Variants in ZFPM1 observed in about 807,000 individuals in gnomAD.
ZFPM1 encodes zinc finger protein ZFPM1.
ZFPM1 carries 28 observed loss-of-function variants against 46.3 expected under a neutral mutation model. The ratio of observed to expected loss-of-function variants is 0.60; its 90% CI spans 0.45 to 0.83. ZFPM1 has a LOEUF of 0.83. Ranked by LOEUF, ZFPM1 falls within the 40% of genes least tolerant of loss-of-function variation. ZFPM1 has a pLI of 0.00. For synonymous variants in ZFPM1, 957 were observed against 675.9 expected (o/e 1.42, Z -6.45); for missense variants, 1,878 against 1,432.4 (o/e 1.31, Z -5.02).
intron 4 of ZFPM1, among the ~76,000 whole-genome samples, chr16:88,524,502 C>T (rs1401626347): frequency 6.6e-6 from 1 of 152,222 alleles, no homozygotes; most frequent in Non-Finnish European, 1.5e-5. Context: ...AAGCACCTTT[C>T]TCGGGGCAGC....
At chr16:88,459,406 C>T (rs1410466181) in intron 1 of ZFPM1, among the ~76,000 whole-genome samples, 5 of 152,168 alleles carry the variant, frequency 3.3e-5, no homozygotes, top group African/African-American at 7.2e-5. Flanking sequence ...TGTGAGCCTC[C>T]GTTTTCCCAT....
In ZFPM1 at chr16:88,469,846, C is replaced by T. The variant is rs1908332169; in HGVS notation, c.41-16093C>T. On this transcript the variant is annotated intron_variant, in intron 1 of 9. Transcript: ENST00000319555. The surrounding 1 kb of genome is among the most constrained non-coding windows in gnomAD (Gnocchi z 4.3). ...ACCAGACATCACCTTGGCCAGGGCC[C>T]CACCCCCTAACGTGGGGTGCAGTGC... Among the ~76,000 whole-genome samples, 1 of 152,016 alleles carries T rather than the reference C, an allele frequency of 6.6e-6. No homozygotes were observed. Among genetic ancestry groups the T allele is most frequent in the Non-Finnish European group, 1.5e-5 (1 of 67,982 alleles).
intron 1 of ZFPM1, among the ~76,000 whole-genome samples, chr16:88,473,507 C>T (rs995257497): frequency 2.4e-4 from 37 of 152,128 alleles, no homozygotes; most frequent in Non-Finnish European, 4.9e-4. Context: ...ATGACGGCCC[C>T]GCTGCCCCGG....
At chr16:88,513,488 C>T (rs1471152085) in intron 3 of ZFPM1, among the ~76,000 whole-genome samples, 1 of 152,232 alleles carries the variant, frequency 6.6e-6, no homozygotes, top group South Asian at 2.1e-4. Flanking sequence ...GGCCAGGCCA[C>T]GTGAGGCCTC....
At chr16:88,521,845 C>G (rs1268103553) in intron 4 of ZFPM1, among the ~76,000 whole-genome samples, 3 of 150,410 alleles carry the variant, frequency 2.0e-5, no homozygotes, top group Non-Finnish European at 4.4e-5. Flanking sequence ...TATGCTGTTC[C>G]CTCTCCATGC....
rs1439993971 is a variant in ZFPM1 at position 88,483,292 on chromosome 16, C to A, written c.41-2647C>A. 3.3e-5 allele frequency among the ~76,000 whole-genome samples: 5 copies of A among 151,084 alleles called. No homozygotes were observed. In the East Asian group the frequency reaches 7.8e-4, roughly 23 times the overall value. On this transcript the variant is annotated intron_variant, in intron 1 of 9. Coordinates refer to ENST00000319555, the MANE Select transcript of ZFPM1 (RefSeq NM_153813.3). ...GGCACCTGCCCCTCCTGTCCAGGAC[C>A]CCCCATGGCTCCCCGGTGGCCCCAG...
rs1913188399 is a variant in ZFPM1, at chr16:88,535,101, G to C, written c.*122G>C. The C allele has an allele frequency of 1.6e-6, 2 of 1,214,202 alleles. No homozygotes were observed. Among genetic ancestry groups the C allele is most frequent in the Admixed American group, 3.7e-5 (1 of 27,044 alleles). The allele number at this position is 1,214,202 out of a possible 1,614,324, so 75.2% of individuals were successfully genotyped here. On this transcript the variant is annotated 3_prime_UTR_variant, in exon 10 of 10. Coordinates refer to ENST00000319555, the MANE Select transcript of ZFPM1 (RefSeq NM_153813.3). ...CGCCACGCACAGGCCTCGGCGGAGG[G>C]GGCCGCAGGGGGCAGCGCCCGCCTG...
chr16:88,473,136 G>C (rs1201733991), intron 1 of ZFPM1, among the ~76,000 whole-genome samples: 1 of 152,280 alleles, frequency 6.6e-6, no homozygotes, highest in Admixed American at 6.5e-5. Context: ...CGAGGAAAAG[G>C]CTGAACTGAG....
chr16:88,484,362 G>T (rs1476557152), intron 1 of ZFPM1, among the ~76,000 whole-genome samples: 1 of 152,210 alleles, frequency 6.6e-6, no homozygotes, highest in African/African-American at 2.4e-5. Flanking sequence ...TCAGGAGGTG[G>T]TTGTTCCAGC....
chr16:88,534,037 C>A lies in ZFPM1; in HGVS notation c.2079C>A (p.Ser693Arg). 1 of 1,355,328 alleles carries A rather than the reference C, an allele frequency of 7.4e-7. No homozygotes were observed. The allele number at this position is 1,355,328 out of a possible 1,614,324, so 84.0% of individuals were successfully genotyped here. A position where few individuals can be genotyped will look rare whatever the true frequency, so the allele number is the denominator to read the frequency against. ...TLCEACNIRF[S>R]RHETYTVHKR... is the part of the protein sequence containing the mutation. Reference sequence around the variant, plus strand: ...GCGAGGCCTGCAACATCCGCTTCAGCCGCCACGAGACCTACACCGTGCACA... The same window carrying A: ...GCGAGGCCTGCAACATCCGCTTCAGACGCCACGAGACCTACACCGTGCACA... The change falls in exon 10 of 10, where the codon AGC (serine) becomes AGA (arginine). Residue 693 changes from serine (S) to arginine (R), a missense_variant. Coordinates refer to ENST00000319555, the MANE Select transcript of ZFPM1 (RefSeq NM_153813.3).
intron 3 of ZFPM1, among the ~76,000 whole-genome samples, chr16:88,501,081 G>A (rs112228313): frequency 2.4e-5 from 2 of 84,790 alleles, no homozygotes; most frequent in African/African-American, 8.9e-5. Flanking sequence ...CATGGATGCG[G>A]GGGCCCTCCC....
Position 88,469,845 on chromosome 16 carries a change from C to A in ZFPM1, c.41-16094C>A, listed in dbSNP as rs1188522503. ...AACCAGACATCACCTTGGCCAGGGC[C>A]CCACCCCCTAACGTGGGGTGCAGTG... On this transcript the variant is annotated intron_variant, in intron 1 of 9. Transcript: ENST00000319555. The surrounding 1 kb of genome is among the most constrained non-coding windows in gnomAD (Gnocchi z 4.3). Among the ~76,000 whole-genome samples the A allele has an allele frequency of 6.6e-6, 1 of 152,034 alleles. No homozygotes were observed. The highest frequency in any genetic ancestry group is 1.5e-5 in the Non-Finnish European group (1 of 67,984).
chr16:88,515,280 G>C (rs530990312), intron 4 of ZFPM1, among the ~76,000 whole-genome samples: 1 of 152,210 alleles, frequency 6.6e-6, no homozygotes, highest in Non-Finnish European at 1.5e-5. Context: ...GCGGGCAGAC[G>C]CATGTCCCAG....
At chr16:88,454,683 A>G (rs1907456324) in intron 1 of ZFPM1, among the ~76,000 whole-genome samples, 1 of 152,258 alleles carries the variant, frequency 6.6e-6, no homozygotes, top group Non-Finnish European at 1.5e-5. Context: ...GAGCAAGAGC[A>G]CAGGAAGCTA....
rs143766760 is a variant in ZFPM1 at position 88,510,073 on chromosome 16, A to C, written c.269-4314A>C. On this transcript the variant is annotated intron_variant, in intron 3 of 9. Coordinates refer to ENST00000319555, the MANE Select transcript of ZFPM1 (RefSeq NM_153813.3). Reference sequence around the variant, plus strand: ...AGCTTCTCAGCCCATCTGGGCAGCTAGGAGAGAGAGAATAGTGCTGGCTGC... The same window carrying C: ...AGCTTCTCAGCCCATCTGGGCAGCTCGGAGAGAGAGAATAGTGCTGGCTGC... 6.6e-3 allele frequency among the ~76,000 whole-genome samples: 1,001 copies of C among 152,162 alleles called. 8 individuals carry two copies. The highest frequency in any genetic ancestry group is 9.0e-3 in the Non-Finnish European group (609 of 67,970).
chr16:88,478,341 C>T (rs1277956468), intron 1 of ZFPM1, among the ~76,000 whole-genome samples: 4 of 152,232 alleles, frequency 2.6e-5, no homozygotes, highest in African/African-American at 9.6e-5. Flanking sequence ...TGATCCCGAA[C>T]TGAGGAGCTG....
chr16:88,474,672 T>A (rs988836595), intron 1 of ZFPM1, among the ~76,000 whole-genome samples: 1 of 152,170 alleles, frequency 6.6e-6, no homozygotes, highest in Non-Finnish European at 1.5e-5. Flanking sequence ...GTGACCACCC[T>A]GTCTGAAGCC....
upstream of ZFPM1, among the ~76,000 whole-genome samples, chr16:88,452,660 G>A (rs1031607190): frequency 6.6e-6 from 1 of 152,276 alleles, no homozygotes; most frequent in African/African-American, 2.4e-5. Context: ...TTCCTGAGCC[G>A]GTTGTCACTG....
At chr16:88,484,899 T>G (rs1316728343) in intron 1 of ZFPM1, among the ~76,000 whole-genome samples, 1 of 152,228 alleles carries the variant, frequency 6.6e-6, no homozygotes, top group East Asian at 1.9e-4. Context: ...CCTTGTCACC[T>G]GTCAGGTGGA....
Sources: gnomAD v4.1 joint callset for allele counts (sites outside exome capture counted in the v4.1 genomes callset) on GRCh38, gnomAD v4.1.1 for gene constraint, Gnocchi (gnomAD v3.1) non-coding constraint, MANE v1.5 for transcripts, NCBI Gene and HGNC (gene_info 2026-07-23, HGNC 2026-07-21) for gene names.